Variants in ZBTB20 observed in about 807,000 individuals in gnomAD.
The protein encoded by ZBTB20 is zinc finger and BTB domain containing 20, also known as zinc finger and BTB domain-containing protein 20.
A neutral mutation model predicts 56.9 loss-of-function variants in ZBTB20; 9 were observed. The observed-to-expected ratio is 0.16, with a 90% CI of 0.10 to 0.28. The LOEUF is 0.28. Among genes scored for constraint, ZBTB20 ranks in the 10% least tolerant of loss-of-function variants. ZBTB20 has a pLI of 1.00. For missense variants in ZBTB20, 655 were observed against 1,003.0 expected, an observed-to-expected ratio of 0.65 and a Z score of 4.69; for synonymous variants, 417 against 420.7, an observed-to-expected ratio of 0.99 and a Z score of 0.11.
At chr3:115,047,462 T>C (rs1027014691) in intron 2 of ZBTB20, among the ~76,000 whole-genome samples, 4 of 152,192 alleles carry the variant, frequency 2.6e-5, no homozygotes, top group Non-Finnish European at 5.9e-5. Context: ...CCAGCACTTA[T>C]TAAATGTACA....
chr3:114,859,597 A>G lies in ZBTB20; in HGVS notation c.-417+40707T>C, dbSNP rs868540671. 2.6e-3 allele frequency among the ~76,000 whole-genome samples: 314 copies of G among 121,268 alleles called. 4 individuals carry two copies. The highest frequency in any genetic ancestry group is 0.012 in the African/African-American group (295 of 24,426). The allele number at this position is 121,268 out of a possible 152,430, so 79.6% of individuals were successfully genotyped here. A position where few individuals can be genotyped will look rare whatever the true frequency, so the allele number is the denominator to read the frequency against. On this transcript the variant is annotated intron_variant, in intron 4 of 11. Coordinates refer to ENST00000675478, the MANE Select transcript of ZBTB20 (RefSeq NM_001348800.3). ...GTTTTTTTTTTTTTTTTTTGAGTTT[A>G]TAGATATCTTTCAGGGGTCAAGCTA...
chr3:114,911,466 G>C (rs2202531), intron 3 of ZBTB20, among the ~76,000 whole-genome samples: 132,803 of 151,944 alleles, frequency 0.87, 59,298 homozygotes, highest in East Asian at 1. Context: ...TCAAAATAAT[G>C]ATTTTCAATA....
intron 2 of ZBTB20, among the ~76,000 whole-genome samples, chr3:114,994,092 C>A (rs557089728): frequency 3.4e-4 from 52 of 151,692 alleles, no homozygotes; most frequent in Admixed American, 1.3e-3. Context: ...AATAGAGGCA[C>A]TGATTAGAAA....
At chr3:115,030,223 G>A (rs970485728) in intron 2 of ZBTB20, among the ~76,000 whole-genome samples, 1 of 150,944 alleles carries the variant, frequency 6.6e-6, no homozygotes, top group Non-Finnish European at 1.5e-5. Flanking sequence ...TTTGACTGAA[G>A]AGATCCTCCT....
chr3:114,904,875 C>A (rs1323269017), intron 3 of ZBTB20, among the ~76,000 whole-genome samples: 1 of 151,852 alleles, frequency 6.6e-6, no homozygotes, highest in African/African-American at 2.4e-5. Flanking sequence ...CACCGTTAAC[C>A]CAACGGCACA....
At chr3:114,627,915 A>G (rs2058734054) in intron 6 of ZBTB20, among the ~76,000 whole-genome samples, 1 of 152,142 alleles carries the variant, frequency 6.6e-6, no homozygotes, top group Non-Finnish European at 1.5e-5. Context: ...CGGCAGTAGC[A>G]TGCTGAACTG....
At chr3:114,576,386 C>T (rs1316810783) in intron 6 of ZBTB20, among the ~76,000 whole-genome samples, 4 of 150,774 alleles carry the variant, frequency 2.7e-5, no homozygotes, top group East Asian at 2.0e-4. Context: ...CCTGTAGTCC[C>T]AGCTACTCGG....
chr3:115,019,721 T>C (rs182512242), intron 2 of ZBTB20, among the ~76,000 whole-genome samples: 1 of 151,312 alleles, frequency 6.6e-6, no homozygotes. Flanking sequence ...GTGGAAGATG[T>C]CTGAGGAACA....
At chr3:114,480,829 T>C (rs1226667136) in intron 7 of ZBTB20, among the ~76,000 whole-genome samples, 1 of 152,158 alleles carries the variant, frequency 6.6e-6, no homozygotes, top group Non-Finnish European at 1.5e-5. Context: ...CATTTTTTTT[T>C]TTTTAAACAG....
chr3:114,351,445 C>T lies in ZBTB20; in HGVS notation c.633G>A (p.Thr211=), dbSNP rs780040410. ...FPGIQDSGQD[T]PRGTPESGTS... ...TGCCTGACTCGGGAGTGCCCCGCGG[C>T]GTGTCCTGGCCCGAGTCCTGGATCC... Residue 211 remains threonine (T), a synonymous_variant, in exon 11 of 12, where the codon ACG becomes ACA. Transcript: ENST00000675478. 8.1e-6 allele frequency: 13 copies of T among 1,613,338 alleles called. No homozygotes were observed. The South Asian group carries it at 1.2e-4, about 15-fold the overall frequency.
chr3:114,930,702 A>C (rs1286188478), intron 3 of ZBTB20: 1 of 206,522 alleles, frequency 4.8e-6, no homozygotes, highest in African/African-American at 2.4e-5. Context: ...AAAATGGTTC[A>C]ATGTAAGAAA....
intron 6 of ZBTB20, among the ~76,000 whole-genome samples, chr3:114,682,174 T>C (rs547426864): frequency 6.6e-6 from 1 of 152,184 alleles, no homozygotes; most frequent in African/African-American, 2.4e-5. Context: ...ACAACACAGA[T>C]TTAAGAGACA....
chr3:115,098,317 T>C (rs1314492825), intron 1 of ZBTB20, among the ~76,000 whole-genome samples: 1 of 152,198 alleles, frequency 6.6e-6, no homozygotes, highest in Non-Finnish European at 1.5e-5. Flanking sequence ...TTTTAGATGG[T>C]CCTCACAAGG....
chr3:115,092,128 C>T (rs997377628), intron 1 of ZBTB20, among the ~76,000 whole-genome samples: 1 of 152,072 alleles, frequency 6.6e-6, no homozygotes, highest in Non-Finnish European at 1.5e-5. Flanking sequence ...AAAGTGCACA[C>T]ATCCTAACTT....
chr3:115,055,360 T>C (rs1019388655), intron 2 of ZBTB20, among the ~76,000 whole-genome samples: 3 of 152,036 alleles, frequency 2.0e-5, no homozygotes, highest in African/African-American at 7.2e-5. Flanking sequence ...TGGAAACAGA[T>C]TATTCTTTAG....
intron 4 of ZBTB20, among the ~76,000 whole-genome samples, chr3:114,874,857 C>T (rs566281569): frequency 4.9e-4 from 75 of 152,284 alleles, no homozygotes; most frequent in Admixed American, 9.8e-4. Context: ...ATACAATACT[C>T]TGTTTCCTTC....
chr3:115,096,709 G>A (rs1002835134), intron 1 of ZBTB20, among the ~76,000 whole-genome samples: 4 of 152,262 alleles, frequency 2.6e-5, no homozygotes, highest in South Asian at 2.1e-4. Flanking sequence ...CCTATGTGGC[G>A]GCATGACCGG....
intron 1 of ZBTB20, among the ~76,000 whole-genome samples, chr3:115,121,368 CT>C (rs559622874): frequency 2.7e-5 from 4 of 150,920 alleles, no homozygotes; most frequent in African/African-American, 9.7e-5. Flanking sequence ...CACTAACATC[CT>C]TTTTTTTTCT....
At chr3:114,345,229 G>T (rs1391802000) in intron 11 of ZBTB20, among the ~76,000 whole-genome samples, 1 of 152,116 alleles carries the variant, frequency 6.6e-6, no homozygotes, top group African/African-American at 2.4e-5. Flanking sequence ...AAATGAATGG[G>T]CATGTGAAAG....
Sources: gnomAD v4.1 joint callset for allele counts (sites outside exome capture counted in the v4.1 genomes callset) on GRCh38, gnomAD v4.1.1 for gene constraint, MANE v1.5 for transcripts, NCBI Gene and HGNC (gene_info 2026-07-23, HGNC 2026-07-21) for gene names.